Variants in SLC25A13 observed in about 807,000 individuals in gnomAD.
The protein encoded by SLC25A13 is solute carrier family 25 member 13.
SLC25A13 carries 70 observed loss-of-function variants against 85.5 expected under a neutral mutation model. The ratio of observed to expected loss-of-function variants is 0.82; its 90% CI spans 0.68 to 1.00. SLC25A13 has a LOEUF of 1.00. Ranked by LOEUF, SLC25A13 falls within the 50% of genes least tolerant of loss-of-function variation. The pLI is 0.00. For missense variants in SLC25A13, 765 were observed against 819.8 expected, an observed-to-expected ratio of 0.93 and a Z score of 0.82; for synonymous variants, 259 against 288.7, an observed-to-expected ratio of 0.90 and a Z score of 1.04.
At chr7:96,252,947 A>G (rs1797490748) in intron 3 of SLC25A13, among the ~76,000 whole-genome samples, 1 of 152,108 alleles carries the variant, frequency 6.6e-6, no homozygotes, top group Admixed American at 6.5e-5. Flanking sequence ...TACAAAAATT[A>G]TCTGGGCATG....
chr7:96,158,681 A>ATAGACTT (rs779044955), intron 13 of SLC25A13, among the ~76,000 whole-genome samples: 96 of 152,350 alleles, frequency 6.3e-4, no homozygotes, highest in Non-Finnish European at 1.1e-3. Context: ...AAGTTATAGA[A>ATAGACTT]TAGACTTTTA....
At chr7:96,192,248 G>A (rs1424020064) in intron 6 of SLC25A13, among the ~76,000 whole-genome samples, 1 of 152,074 alleles carries the variant, frequency 6.6e-6, no homozygotes, top group East Asian at 1.9e-4. Context: ...CCCAGATGAT[G>A]GTGAAAACAG....
At chr7:96,314,109 G>A (rs922880031) in intron 1 of SLC25A13, among the ~76,000 whole-genome samples, 6 of 151,724 alleles carry the variant, frequency 4.0e-5, no homozygotes, top group Admixed American at 2.0e-4. Context: ...GGAAGGAGAA[G>A]GAGGAGGAAG....
Position 96,288,317 on chromosome 7 carries a change from C to A in SLC25A13, c.69+8581G>T, listed in dbSNP as rs560067797. On this transcript the variant is annotated intron_variant, in intron 2 of 17. Coordinates refer to ENST00000265631, the MANE Select transcript of SLC25A13 (RefSeq NM_014251.3). The stretch of plus-strand genomic sequence containing the variant: ...TTCCAAGATGGCCGAATAGGAACAG[C>A]TCCAGTCTACAGCTCCCAGCGTGAG... Among the ~76,000 whole-genome samples the A allele has an allele frequency of 4.6e-5, 7 of 152,336 alleles. No homozygotes were observed. In the East Asian group the frequency reaches 1.4e-3, roughly 29 times the overall value.
chr7:96,160,392 G>A (rs1022670250), intron 13 of SLC25A13, among the ~76,000 whole-genome samples: 3 of 152,212 alleles, frequency 2.0e-5, no homozygotes, highest in South Asian at 2.1e-4. Flanking sequence ...ATCCTTAACT[G>A]TCTTAGTCTG....
chr7:96,169,720 T>C (rs1793920000), intron 13 of SLC25A13: 1 of 337,898 alleles, frequency 3.0e-6, no homozygotes, highest in South Asian at 4.5e-5. Context: ...GGAAAGAATG[T>C]ACTAAAAATT....
intron 11 of SLC25A13, among the ~76,000 whole-genome samples, chr7:96,182,620 T>G (rs1794462108): frequency 6.6e-6 from 1 of 152,230 alleles, no homozygotes; most frequent in African/African-American, 2.4e-5. Flanking sequence ...CCTCTTTGCA[T>G]AGCCCACATT....
chr7:96,184,264 A>G lies in SLC25A13; in HGVS notation c.1177+13T>C. The stretch of plus-strand genomic sequence containing the variant: ...TTATTTCACCTAACAGGTATTGAGC[A>G]TGTGGCACTAACCTCTATACAGTCC... On this transcript the variant is annotated intron_variant, in intron 11 of 17. Transcript: ENST00000265631. The G allele has an allele frequency of 6.2e-7, 1 of 1,614,064 alleles. No homozygotes were observed. Among genetic ancestry groups the G allele is most frequent in the Non-Finnish European group, 8.5e-7 (1 of 1,179,932 alleles).
chr7:96,296,875 A>G (rs777359242), intron 2 of SLC25A13, 23 bp downstream of exon 2: 1 of 1,604,412 alleles, frequency 6.2e-7, no homozygotes, highest in African/African-American at 1.3e-5. Flanking sequence ...AACAAGAAAC[A>G]AAATAGATTC....
intron 11 of SLC25A13, among the ~76,000 whole-genome samples, chr7:96,179,738 G>A (rs186619208): frequency 6.6e-6 from 1 of 152,258 alleles, no homozygotes; most frequent in East Asian, 1.9e-4. Flanking sequence ...TAAAAGTTTT[G>A]GTGGACATGG....
chr7:96,185,178 T>C (rs1794584131), intron 9 of SLC25A13, among the ~76,000 whole-genome samples, 167 bp from the exon 10 acceptor site: 2 of 152,244 alleles, frequency 1.3e-5, no homozygotes, highest in Admixed American at 1.3e-4. Flanking sequence ...TAAGTTCTTA[T>C]TAATAAAAAG....
At chr7:96,190,995 A>C (rs1794824958) in intron 7 of SLC25A13, 114 bp downstream of exon 7, 1 of 1,220,544 alleles carries the variant, frequency 8.2e-7, no homozygotes, top group Non-Finnish European at 1.2e-6. Context: ...GTTATCATAT[A>C]GTTAATATGT....
intron 4 of SLC25A13, among the ~76,000 whole-genome samples, chr7:96,229,202 A>C (rs1337219590): frequency 6.6e-6 from 1 of 152,146 alleles, no homozygotes; most frequent in Non-Finnish European, 1.5e-5. Context: ...GAGAACTTTT[A>C]TGTCTAGCAG....
chr7:96,248,697 G>A (rs763435587), intron 3 of SLC25A13, among the ~76,000 whole-genome samples: 1 of 152,094 alleles, frequency 6.6e-6, no homozygotes. Flanking sequence ...AAATTATTTG[G>A]TTTTAATTGT....
At chr7:96,272,269 T>A (rs572887416) in intron 3 of SLC25A13, among the ~76,000 whole-genome samples, 6 of 152,272 alleles carry the variant, frequency 3.9e-5, no homozygotes, top group South Asian at 2.1e-4. Context: ...TAAAGGCCCA[T>A]AAACATATTA....
At chr7:96,192,977 G>A (rs998823256) in intron 6 of SLC25A13, 60 bp downstream of exon 6, 7 of 1,559,900 alleles carry the variant, frequency 4.5e-6, no homozygotes, top group Non-Finnish European at 6.2e-6. Context: ...TATAAGAATT[G>A]TTTTTATAAT....
rs968646937 is a variant in SLC25A13 at position 96,281,313 on chromosome 7, C to A, written c.70-3975G>T. Among the ~76,000 whole-genome samples, 21 of 151,568 alleles carry A rather than the reference C, an allele frequency of 1.4e-4. No individual in the cohort carries two copies. In the East Asian group the frequency reaches 3.9e-3, roughly 28 times the overall value. On this transcript the variant is annotated intron_variant, in intron 2 of 17. Coordinates refer to ENST00000265631, the MANE Select transcript of SLC25A13 (RefSeq NM_014251.3). ...GGCTGAGGCAGGAGAATCGCTTGAA[C>A]CCGGGAGGCAGAAGTTGCAGTGAGC...
intron 3 of SLC25A13, 33 bp downstream of exon 3, chr7:96,277,163 A>T (rs376504226): frequency 3.6e-4 from 550 of 1,525,596 alleles, no homozygotes; most frequent in Non-Finnish European, 4.7e-4. Context: ...TCAAACAAAA[A>T]GAATTAAATA....
chr7:96,203,706 T>C (rs759226889), intron 5 of SLC25A13, among the ~76,000 whole-genome samples: 5 of 151,468 alleles, frequency 3.3e-5, no homozygotes, highest in African/African-American at 9.8e-5. Context: ...GTGTAGACTG[T>C]TTTCAAATTA....
Sources: allele counts gnomAD v4.1 joint callset (sites outside exome capture counted in the v4.1 genomes callset), GRCh38; gene constraint gnomAD v4.1.1; transcripts MANE v1.5; gene names NCBI Gene and HGNC (gene_info 2026-07-23, HGNC 2026-07-21).